RNF115: variants seen among roughly 807,000 people sequenced by gnomAD.
RNF115 encodes E3 ubiquitin-protein ligase RNF115.
A neutral mutation model predicts 39.2 loss-of-function variants in RNF115; 31 were observed. That is an observed-to-expected ratio of 0.79 (90% CI 0.59 to 1.07). The LOEUF (loss-of-function observed/expected upper bound fraction) is 1.07. RNF115 is among the 50% of genes least tolerant of loss of function. RNF115 has a pLI of 0.00. For synonymous variants in RNF115, 124 were observed against 131.0 expected (o/e 0.95, Z 0.37); for missense variants, 384 against 381.7 (o/e 1.01, Z -0.05).
chr1:145,811,906 A>AT (rs1649735295), intron 1 of RNF115, among the ~76,000 whole-genome samples: 1 of 81,112 alleles, frequency 1.2e-5, no homozygotes, highest in African/African-American at 4.7e-5. Flanking sequence ...AAAAAAAAAA[A>AT]AAATATATAT....
intron 1 of RNF115, 70 bp downstream of exon 1, chr1:145,823,702 G>A: frequency 1.6e-6 from 2 of 1,226,242 alleles, no homozygotes. Flanking sequence ...GAAAGCTCCA[G>A]ACCCAGTTCC....
chr1:145,822,170 C>T (rs1165322868), intron 1 of RNF115, among the ~76,000 whole-genome samples: 1 of 151,632 alleles, frequency 6.6e-6, no homozygotes, highest in Non-Finnish European at 1.5e-5. Context: ...CTACTAAAAA[C>T]ACAAAAATTA....
intron 4 of RNF115, among the ~76,000 whole-genome samples, chr1:145,754,372 G>C (rs1475996233): frequency 1.3e-5 from 2 of 148,816 alleles, no homozygotes; most frequent in Non-Finnish European, 3.0e-5. Flanking sequence ...TTCTTTTTTT[G>C]AGATGAAGTC....
intron 3 of RNF115, among the ~76,000 whole-genome samples, chr1:145,779,301 A>T (rs1648019427): frequency 6.6e-6 from 1 of 151,648 alleles, no homozygotes; most frequent in Admixed American, 6.6e-5. Flanking sequence ...CCGCTTCTCG[A>T]GTAGCTGGGA....
intron 4 of RNF115, 108 bp downstream of exon 4, chr1:145,771,603 A>G (rs1251328976): frequency 1.2e-6 from 1 of 836,588 alleles, no homozygotes; most frequent in Non-Finnish European, 1.9e-6. Flanking sequence ...ACATATGTCC[A>G]TCTTGTCCAC....
intron 1 of RNF115, among the ~76,000 whole-genome samples, chr1:145,812,834 T>G (rs61816209): frequency 0.47 from 68,923 of 146,020 alleles, 15,864 homozygotes; most frequent in East Asian, 0.69. Flanking sequence ...TCACCCAGGC[T>G]GGTCTCAAAC....
chr1:145,796,458 C>T (rs1460613680), intron 1 of RNF115, among the ~76,000 whole-genome samples: 4 of 151,428 alleles, frequency 2.6e-5, no homozygotes, highest in African/African-American at 9.7e-5. Context: ...ACAGGGTCTC[C>T]CTCTGTCACC....
rs1292894148 is a variant in RNF115 at position 145,743,585 on chromosome 1, G to T, written c.*3281C>A. 6.6e-6 allele frequency: 1 copy of T among 151,838 alleles called. No homozygotes were observed. The highest frequency in any genetic ancestry group is 2.4e-5 in the African/African-American group (1 of 41,306). 9.4% of individuals were successfully genotyped at this position (151,838 alleles called of 1,614,324 possible). On this transcript the variant is annotated 3_prime_UTR_variant, in exon 9 of 9. Transcript: ENST00000582693. Reference sequence around the variant, plus strand: ...ACCTGAGGTCTAGAGTTCAAGACCAGCCTGGCCAACAAGGTAAAACCTTGT... The same window carrying T: ...ACCTGAGGTCTAGAGTTCAAGACCATCCTGGCCAACAAGGTAAAACCTTGT...
intron 1 of RNF115, among the ~76,000 whole-genome samples, chr1:145,795,660 G>A (rs1281889584): frequency 6.6e-6 from 1 of 152,150 alleles, no homozygotes; most frequent in Non-Finnish European, 1.5e-5. Context: ...AACCACTACA[G>A]CTCCCGCACA....
chr1:145,800,554 ACT>A (rs1420513986), intron 1 of RNF115, among the ~76,000 whole-genome samples: 4 of 151,984 alleles, frequency 2.6e-5, no homozygotes, highest in African/African-American at 9.7e-5. Flanking sequence ...CTACTTCCTA[ACT>A]CTTGGAACCC....
At chr1:145,753,213 G>A (rs1658163470) in intron 4 of RNF115, among the ~76,000 whole-genome samples, 164 bp from the exon 5 acceptor site, 1 of 152,124 alleles carries the variant, frequency 6.6e-6, no homozygotes, top group Non-Finnish European at 1.5e-5. Context: ...ACAGCGGTGT[G>A]CTATTTTGCT....
At chr1:145,787,049 C>G (rs374403590) in intron 2 of RNF115, 6 of 1,278,308 alleles carry the variant, frequency 4.7e-6, no homozygotes, top group East Asian at 1.1e-4. Context: ...TGGAAGGGAC[C>G]TTCAACTTTA....
rs1657715927 is a variant in RNF115, at chr1:145,742,348, T to A, written c.*4518A>T. The A allele has an allele frequency of 1.3e-5, 2 of 152,188 alleles. No individual in the cohort carries two copies. The highest frequency in any genetic ancestry group is 1.3e-4 in the Admixed American group (2 of 15,274). 9.4% of individuals were successfully genotyped at this position (152,188 alleles called of 1,614,324 possible). A position where few individuals can be genotyped will look rare whatever the true frequency, so the allele number is the denominator to read the frequency against. On this transcript the variant is annotated 3_prime_UTR_variant, in exon 9 of 9. Coordinates refer to ENST00000582693, the MANE Select transcript of RNF115 (RefSeq NM_014455.4). ...AGAAAAATTAAAAAAAATCAATAGATAACCGTATTGTAGTTCAACTGATTA... is the reference window on the plus strand; with the variant it reads ...AGAAAAATTAAAAAAAATCAATAGAAAACCGTATTGTAGTTCAACTGATTA...
intron 4 of RNF115, among the ~76,000 whole-genome samples, chr1:145,769,912 T>C (rs1239064789): frequency 3.3e-5 from 5 of 151,870 alleles, no homozygotes; most frequent in African/African-American, 1.2e-4. Flanking sequence ...TAGGCTGAAG[T>C]GGGAGGATTG....
intron 1 of RNF115, among the ~76,000 whole-genome samples, chr1:145,804,766 A>T (rs1469468138): frequency 6.6e-6 from 1 of 152,214 alleles, no homozygotes; most frequent in Non-Finnish European, 1.5e-5. Flanking sequence ...CTAAATATCA[A>T]ACATGCTGCT....
intron 1 of RNF115, among the ~76,000 whole-genome samples, chr1:145,795,257 G>C (rs1289878622): frequency 2.0e-5 from 3 of 152,112 alleles, no homozygotes; most frequent in Admixed American, 2.0e-4. Context: ...CTCCAGGTGA[G>C]TGTTACAGCT....
intron 1 of RNF115, among the ~76,000 whole-genome samples, chr1:145,803,776 T>C (rs1357422152): frequency 6.6e-6 from 1 of 152,220 alleles, no homozygotes; most frequent in Non-Finnish European, 1.5e-5. Flanking sequence ...ACCAAGCTTC[T>C]TTAGCTCATT....
At chr1:145,762,943 G>A (rs947429123) in intron 4 of RNF115, among the ~76,000 whole-genome samples, 2 of 152,088 alleles carry the variant, frequency 1.3e-5, no homozygotes, top group African/African-American at 4.8e-5. Flanking sequence ...TTATACATGG[G>A]AACTAAACAT....
In RNF115 at chr1:145,746,970, T is replaced by G; in HGVS notation, c.811A>C (p.Ser271Arg). The stretch of plus-strand genomic sequence containing the variant: ...CGAGTAGAGTCCTCACCATTTAAGC[T>G]CTTCCTACATACAGGACATGTGTCA... ...LHDTCPVCRK[S>R]LNGEDSTRQS... The change falls in exon 9 of 9, where the codon AGC (serine) becomes CGC (arginine). Residue 271 changes from serine to arginine, a missense_variant. Coordinates refer to ENST00000582693, the MANE Select transcript of RNF115 (RefSeq NM_014455.4). The G allele has an allele frequency of 6.2e-7, 1 of 1,613,934 alleles. No individual in the cohort carries two copies. Among genetic ancestry groups the G allele is most frequent in the Non-Finnish European group, 8.5e-7 (1 of 1,179,886 alleles).
Sources: allele counts gnomAD v4.1 joint callset (sites outside exome capture counted in the v4.1 genomes callset), GRCh38; gene constraint gnomAD v4.1.1; transcripts MANE v1.5; gene names NCBI Gene and HGNC (gene_info 2026-07-23, HGNC 2026-07-21).